The following PRR16 variants were observed in gnomAD, a reference collection of about 807,000 sequenced individuals.
PRR16 encodes the protein proline rich 16, also known as protein Largen.
In PRR16, 6 loss-of-function variants were observed where a neutral mutation model predicts 18.2. That is an observed-to-expected ratio of 0.33 (90% CI 0.18 to 0.65). The LOEUF (loss-of-function observed/expected upper bound fraction) is 0.65, where lower values mean the gene tolerates loss of function less well. PRR16 is among the 30% of genes least tolerant of loss of function. The pLI is 0.74. For missense variants in PRR16, 412 were observed against 376.6 expected (o/e 1.09, Z -0.78); for synonymous variants, 151 against 147.8 (o/e 1.02, Z -0.16).
intron 1 of PRR16, among the ~76,000 whole-genome samples, chr5:120,598,533 G>C (rs1419081300): frequency 6.6e-6 from 1 of 151,790 alleles, no homozygotes; most frequent in Non-Finnish European, 1.5e-5. Context: ...CAACTGGCTA[G>C]TGTGCATATA....
At chr5:120,791,094 T>A in the PRR16 span, among the ~76,000 whole-genome samples, 1 of 152,278 alleles carries the variant, frequency 6.6e-6, no homozygotes, top group East Asian at 1.9e-4. Flanking sequence ...TAATTTGTAT[T>A]TGGCATATAA....
At chr5:120,619,177 T>G (rs897123748) in intron 1 of PRR16, among the ~76,000 whole-genome samples, 11 of 152,124 alleles carry the variant, frequency 7.2e-5, no homozygotes, top group African/African-American at 2.7e-4. Context: ...ACACATAATT[T>G]CCTAAAGTCA....
chr5:120,776,347 C>A, the PRR16 span, among the ~76,000 whole-genome samples: 1 of 152,108 alleles, frequency 6.6e-6, no homozygotes. Context: ...GGTTTTCAAG[C>A]ACTTTGGGCA....
At chr5:120,685,043 C>T (rs979643543) in intron 1 of PRR16, among the ~76,000 whole-genome samples, 3 of 152,158 alleles carry the variant, frequency 2.0e-5, no homozygotes, top group African/African-American at 7.2e-5. Context: ...AATTTTCTTT[C>T]CCTTTCTCCA....
At chr5:120,491,176 A>T (rs1300285014) in intron 1 of PRR16, among the ~76,000 whole-genome samples, 1 of 152,132 alleles carries the variant, frequency 6.6e-6, no homozygotes, top group African/African-American at 2.4e-5. Context: ...CTCTCTTCAA[A>T]TCTGTCAGAC....
At chr5:120,762,790 C>CA in the PRR16 span, among the ~76,000 whole-genome samples, 1 of 152,088 alleles carries the variant, frequency 6.6e-6, no homozygotes, top group Non-Finnish European at 1.5e-5. Context: ...AAAATACTTT[C>CA]ATTAGTCTAT....
At chr5:120,572,779 G>A (rs956937367) in intron 1 of PRR16, among the ~76,000 whole-genome samples, 3 of 152,132 alleles carry the variant, frequency 2.0e-5, no homozygotes, top group Non-Finnish European at 4.4e-5. Context: ...GAAGAACCAA[G>A]GGAAAACTAT....
the PRR16 span, among the ~76,000 whole-genome samples, chr5:120,755,754 G>C: frequency 1.3e-4 from 20 of 152,094 alleles, no homozygotes; most frequent in Non-Finnish European, 2.6e-4. Context: ...CCCAGTAATA[G>C]TGTTACTGGT....
chr5:120,531,419 A>C (rs2112666934), intron 1 of PRR16: 1 of 152,266 alleles, frequency 6.6e-6, no homozygotes, highest in East Asian at 1.9e-4. Context: ...CCAGACAGCC[A>C]GGGGTCATTG....
chr5:120,746,147 A>C, the PRR16 span, among the ~76,000 whole-genome samples: 1 of 151,194 alleles, frequency 6.6e-6, no homozygotes, highest in East Asian at 1.9e-4. Context: ...ATTTAATTAT[A>C]TTACATTTTT....
the PRR16 span, among the ~76,000 whole-genome samples, chr5:120,702,954 C>T: frequency 1.3e-5 from 2 of 152,264 alleles, no homozygotes; most frequent in Admixed American, 6.5e-5. Context: ...AGTCACGGCA[C>T]TAAATTTCAT....
the PRR16 span, among the ~76,000 whole-genome samples, chr5:120,766,092 T>C: frequency 2.6e-5 from 4 of 152,072 alleles, no homozygotes; most frequent in Admixed American, 2.0e-4. Context: ...TGTACTTTGG[T>C]AAAGCTATCT....
intron 1 of PRR16, among the ~76,000 whole-genome samples, chr5:120,553,677 A>C (rs1033337878): frequency 6.6e-6 from 1 of 151,894 alleles, no homozygotes; most frequent in Non-Finnish European, 1.5e-5. Flanking sequence ...TTACTAACAC[A>C]TACAGACATA....
the PRR16 span, among the ~76,000 whole-genome samples, chr5:120,692,918 C>G: frequency 6.6e-6 from 1 of 152,076 alleles, no homozygotes; most frequent in Non-Finnish European, 1.5e-5. Flanking sequence ...AATTTAAACA[C>G]TTTAGAATTG....
the PRR16 span, among the ~76,000 whole-genome samples, chr5:120,784,337 GCTTTA>G: frequency 6.6e-6 from 1 of 152,100 alleles, no homozygotes; most frequent in East Asian, 1.9e-4. Context: ...CAGTGTACGA[GCTTTA>G]CTTTATCTAC....
At chr5:120,697,586 T>C in the PRR16 span, among the ~76,000 whole-genome samples, 1 of 152,170 alleles carries the variant, frequency 6.6e-6, no homozygotes, top group Non-Finnish European at 1.5e-5. Flanking sequence ...ACAGGCTTTG[T>C]GTGAGCAACA....
chr5:120,700,883 G>A, the PRR16 span, among the ~76,000 whole-genome samples: 1 of 152,336 alleles, frequency 6.6e-6, no homozygotes, highest in East Asian at 1.9e-4. Flanking sequence ...GATCTGGGAA[G>A]GAGTTGGTCA....
chr5:120,769,064 A>G, the PRR16 span, among the ~76,000 whole-genome samples: 1 of 148,254 alleles, frequency 6.7e-6, no homozygotes. Flanking sequence ...TCCTCAAATT[A>G]AGATACCTCA....
At chr5:120,489,644 C>A (rs1195209698) in intron 1 of PRR16, among the ~76,000 whole-genome samples, 2 of 152,064 alleles carry the variant, frequency 1.3e-5, no homozygotes, top group African/African-American at 2.4e-5. Flanking sequence ...AGCATTTAGC[C>A]CATTTACATT....
Sources: allele counts gnomAD v4.1 joint callset (sites outside exome capture counted in the v4.1 genomes callset), GRCh38; gene constraint gnomAD v4.1.1; transcripts MANE v1.5; gene names NCBI Gene and HGNC (gene_info 2026-07-23, HGNC 2026-07-21).